The following PTPRN2 variants were observed in gnomAD, a reference collection of about 807,000 sequenced individuals.
The protein encoded by PTPRN2 is protein tyrosine phosphatase receptor type N2.
A neutral mutation model predicts 118.8 loss-of-function variants in PTPRN2; 74 were observed. The observed-to-expected ratio is 0.62, with a 90% CI of 0.52 to 0.76. The LOEUF is 0.76. Among genes scored for constraint, PTPRN2 ranks in the 30% least tolerant of loss-of-function variants. The pLI, the probability that PTPRN2 is intolerant of heterozygous loss-of-function variation, is 0.00. For missense variants in PTPRN2, 1,481 were observed against 1,394.4 expected, an observed-to-expected ratio of 1.06 and a Z score of -0.99; for synonymous variants, 641 against 608.0, an observed-to-expected ratio of 1.05 and a Z score of -0.80.
intron 11 of PTPRN2, among the ~76,000 whole-genome samples, chr7:157,907,960 G>T (rs1037012327): frequency 6.6e-6 from 1 of 152,088 alleles, no homozygotes; most frequent in Non-Finnish European, 1.5e-5. Flanking sequence ...TGACCTCACC[G>T]ACTTCCCCAA....
At chr7:158,299,062 T>G (rs1800692433) in intron 3 of PTPRN2, among the ~76,000 whole-genome samples, 1 of 152,152 alleles carries the variant, frequency 6.6e-6, no homozygotes, top group African/African-American at 2.4e-5. Flanking sequence ...CAGACACTAA[T>G]GGACAGAACG....
intron 2 of PTPRN2, among the ~76,000 whole-genome samples, chr7:158,455,058 G>A (rs1015288420): frequency 6.6e-6 from 1 of 152,174 alleles, no homozygotes; most frequent in Non-Finnish European, 1.5e-5. Flanking sequence ...GGCCCCCATG[G>A]ACCCCCAATC....
intron 2 of PTPRN2, among the ~76,000 whole-genome samples, chr7:158,377,402 T>A (rs1380711043): frequency 6.6e-6 from 1 of 152,178 alleles, no homozygotes; most frequent in Non-Finnish European, 1.5e-5. Flanking sequence ...AATGTATCGG[T>A]CTTCACCAAA....
In PTPRN2 at chr7:157,990,626, G is replaced by T. The variant is rs1804181668; in HGVS notation, c.1723+90672C>A. Among the ~76,000 whole-genome samples, 1 of 152,194 alleles carries T rather than the reference G, an allele frequency of 6.6e-6. No individual in the cohort carries two copies. The highest frequency in any genetic ancestry group is 1.5e-5 in the Non-Finnish European group (1 of 68,030). On this transcript the variant is annotated intron_variant, in intron 11 of 22. Transcript: ENST00000389418. The surrounding 1 kb of genome is among the most constrained non-coding windows in gnomAD (Gnocchi z 4.3). ...GGGCAGGCTGGGGGTCAGGGCTCAG[G>T]GCGGTGCTGACAGTAGGACATGCTG...
chr7:157,605,059 G>T (rs764486449), intron 15 of PTPRN2, among the ~76,000 whole-genome samples: 1 of 152,238 alleles, frequency 6.6e-6, no homozygotes, highest in Non-Finnish European at 1.5e-5. Context: ...CTCTGTGGCC[G>T]GTGGCGCCTT....
intron 12 of PTPRN2, among the ~76,000 whole-genome samples, chr7:157,809,502 A>G (rs1805844174): frequency 6.6e-6 from 1 of 152,198 alleles, no homozygotes; most frequent in East Asian, 1.9e-4. Context: ...CCAAAAAGAC[A>G]CGTTCAACTC....
chr7:158,478,444 G>A (rs1047950806), intron 2 of PTPRN2, among the ~76,000 whole-genome samples: 14 of 152,224 alleles, frequency 9.2e-5, no homozygotes, highest in Non-Finnish European at 5.9e-5. Context: ...GGCTCAGCAC[G>A]TCGGTAACGA....
chr7:158,351,275 C>T lies in PTPRN2; in HGVS notation c.164-34343G>A, dbSNP rs148720789. 5.2e-4 allele frequency among the ~76,000 whole-genome samples: 79 copies of T among 152,250 alleles called. 1 individual carries two copies. In the East Asian group the frequency reaches 0.013, roughly 25 times the overall value. Reference sequence around the variant, plus strand: ...AGGAGGGGGACTCACCCGCTGGCACCATTGGCCACTGCACACTATTCCCCA... The same window carrying T: ...AGGAGGGGGACTCACCCGCTGGCACTATTGGCCACTGCACACTATTCCCCA... On this transcript the variant is annotated intron_variant, in intron 2 of 22. Coordinates refer to ENST00000389418, the MANE Select transcript of PTPRN2 (RefSeq NM_002847.5).
chr7:158,170,699 G>T (rs754380401), intron 5 of PTPRN2, among the ~76,000 whole-genome samples: 1 of 152,158 alleles, frequency 6.6e-6, no homozygotes, highest in Non-Finnish European at 1.5e-5. Flanking sequence ...AACCAAGAGG[G>T]CCTGAGAGTT....
At position 158,316,822 on chromosome 7, in the gene PTPRN2, T is replaced by C. The variant is rs948324114; in HGVS notation, c.274A>G (p.Thr92Ala). The change falls in exon 3 of 23, where the codon ACA becomes GCA. Residue 92 changes from threonine (T) to alanine (A), a missense_variant. This residue lies in a region of PTPRN2 where 1,115 missense variants were observed against 994.2 expected (regional missense o/e 1.12). Transcript: ENST00000389418. The stretch of plus-strand genomic sequence containing the variant: ...CCTCGGCCCACGCCCGCCCTACCTG[T>C]GCCGGAAAGCTTCTGCAACGCCACG... ...LRVALQKLSG[T>A]GFTWQDDYTQ... 2 of 1,600,436 alleles carry C rather than the reference T, an allele frequency of 1.2e-6. No homozygotes were observed. The highest frequency in any genetic ancestry group is 1.3e-5 in the African/African-American group (1 of 74,834).
At chr7:157,851,818 A>C (rs1465165297) in intron 12 of PTPRN2, among the ~76,000 whole-genome samples, 1 of 152,238 alleles carries the variant, frequency 6.6e-6, no homozygotes, top group East Asian at 1.9e-4. Context: ...CTCACATGGC[A>C]AACTTTCTTT....
At chr7:158,233,039 C>T (rs1829270083) in intron 3 of PTPRN2, among the ~76,000 whole-genome samples, 1 of 152,172 alleles carries the variant, frequency 6.6e-6, no homozygotes, top group African/African-American at 2.4e-5. Context: ...TTCACTTTCA[C>T]CATTTTTATA....
At chr7:158,053,584 G>GT (rs1809494701) in intron 11 of PTPRN2, among the ~76,000 whole-genome samples, 1 of 152,230 alleles carries the variant, frequency 6.6e-6, no homozygotes, top group Admixed American at 6.5e-5. Context: ...ATAAACACAC[G>GT]TAAAGAGGTT....
intron 5 of PTPRN2, among the ~76,000 whole-genome samples, chr7:158,187,124 C>T (rs1038965678): frequency 1.1e-4 from 17 of 152,294 alleles, no homozygotes; most frequent in Non-Finnish European, 2.1e-4. Flanking sequence ...ATTTAGTGAT[C>T]AATAAGTGCT....
Position 158,253,334 on chromosome 7 carries a change from G to A in PTPRN2, c.278-48061C>T, listed in dbSNP as rs545318765. Among the ~76,000 whole-genome samples, 46 of 152,168 alleles carry A rather than the reference G, an allele frequency of 3.0e-4. No individual in the cohort carries two copies. The East Asian group carries it at 6.2e-3, about 20-fold the overall frequency. Reference sequence around the variant, plus strand: ...ACTGACCGGGGCCAGCACAGCGGGCGGGGCTCTGCCCATTAAATACACTTT... The same window carrying A: ...ACTGACCGGGGCCAGCACAGCGGGCAGGGCTCTGCCCATTAAATACACTTT... On this transcript the variant is annotated intron_variant, in intron 3 of 22. Transcript: ENST00000389418.
At chr7:158,258,899 C>G (rs530018164) in intron 3 of PTPRN2, among the ~76,000 whole-genome samples, 28 of 152,298 alleles carry the variant, frequency 1.8e-4, no homozygotes, top group African/African-American at 6.7e-4. Context: ...ACTGCGTGGT[C>G]GTGCTGGGTA....
At chr7:158,536,670 C>G (rs113044508) in intron 1 of PTPRN2, among the ~76,000 whole-genome samples, 1,568 of 148,564 alleles carry the variant, frequency 0.011, 26 homozygotes, top group African/African-American at 0.036. Context: ...ATTGACAAAA[C>G]AAGACTCAGG....
chr7:158,224,541 C>G (rs1828609134), intron 3 of PTPRN2, among the ~76,000 whole-genome samples: 2 of 152,154 alleles, frequency 1.3e-5, no homozygotes, highest in South Asian at 4.2e-4. Flanking sequence ...CATCCACAGG[C>G]AAAAACAGGA....
At chr7:157,907,613 T>G (rs1162287539) in intron 11 of PTPRN2, among the ~76,000 whole-genome samples, 1 of 145,372 alleles carries the variant, frequency 6.9e-6, no homozygotes, top group Non-Finnish European at 1.5e-5. Flanking sequence ...CCCCTGCATG[T>G]GGGGTGTCCT....
Sources: allele counts gnomAD v4.1 joint callset (sites outside exome capture counted in the v4.1 genomes callset), GRCh38; gene constraint gnomAD v4.1.1; regional missense constraint gnomAD v4.1.1; non-coding constraint Gnocchi (gnomAD v3.1); transcripts MANE v1.5; gene names NCBI Gene and HGNC (gene_info 2026-07-23, HGNC 2026-07-21).